TBCEL: variants seen among roughly 807,000 people sequenced by gnomAD.
TBCEL encodes tubulin-specific chaperone cofactor E-like protein.
TBCEL carries 15 observed loss-of-function variants against 44.2 expected under a neutral mutation model. The observed-to-expected ratio is 0.34, with a 90% CI of 0.23 to 0.52. TBCEL has a LOEUF of 0.52. Ranked by LOEUF, TBCEL falls within the 20% of genes least tolerant of loss-of-function variation. The probability of loss-of-function intolerance (pLI) is 0.95; values close to 1 mark genes in which losing one functional copy is unlikely to be tolerated. For synonymous variants in TBCEL, 171 were observed against 185.4 expected (o/e 0.92, Z 0.63); for missense variants, 319 against 506.3 (o/e 0.63, Z 3.55).
chr11:121,032,816 A>G (rs1210982900), intron 1 of TBCEL, among the ~76,000 whole-genome samples: 5 of 152,266 alleles, frequency 3.3e-5, no homozygotes, highest in African/African-American at 9.6e-5. Flanking sequence ...AGCAGGGAAC[A>G]TACCCGTTGA....
Position 121,090,533 on chromosome 11 carries a change from G to A in TBCEL, c.*3437G>A, listed in dbSNP as rs2135035066. 1 of 152,124 alleles carries A rather than the reference G, an allele frequency of 6.6e-6. No homozygotes were observed. The highest frequency in any genetic ancestry group is 2.4e-5 in the African/African-American group (1 of 41,506). The allele number at this position is 152,124 out of a possible 1,614,324, so 9.4% of individuals were successfully genotyped here. ...CTATCTGTGTTACCAGATGTGTTGT[G>A]AACACTCTACTATTTTTCATAGGTG... On this transcript the variant is annotated 3_prime_UTR_variant, in exon 9 of 9. Coordinates refer to ENST00000683345, the MANE Select transcript of TBCEL (RefSeq NM_001363644.2).
At chr11:121,057,147 A>G (rs766326277) in intron 6 of TBCEL, among the ~76,000 whole-genome samples, 1 of 151,786 alleles carries the variant, frequency 6.6e-6, no homozygotes, top group African/African-American at 2.4e-5. Flanking sequence ...TTCCTCCTTG[A>G]TGGAAATGCC....
chr11:121,036,796 G>T (rs1016061758), intron 2 of TBCEL, among the ~76,000 whole-genome samples, 184 bp downstream of exon 2: 3 of 152,168 alleles, frequency 2.0e-5, no homozygotes, highest in Non-Finnish European at 4.4e-5. Context: ...TGAAAAAAGT[G>T]TGTGTCTTTG....
At chr11:121,039,197 A>G (rs1476139567) in intron 2 of TBCEL, among the ~76,000 whole-genome samples, 2 of 152,228 alleles carry the variant, frequency 1.3e-5, no homozygotes, top group African/African-American at 4.8e-5. Context: ...AGTACAGCTG[A>G]TAACACTTGT....
intron 6 of TBCEL, among the ~76,000 whole-genome samples, chr11:121,055,942 AATGGTACATTTGTACCATTT>A (rs1945612271): frequency 6.6e-6 from 1 of 151,714 alleles, no homozygotes; most frequent in Non-Finnish European, 1.5e-5. Context: ...AAATGGTACA[AATGGTACATTTGTACCATTT>A]CAGTCAATGA....
At chr11:121,050,292 C>T (rs938548694) in intron 4 of TBCEL, among the ~76,000 whole-genome samples, 2 of 151,834 alleles carry the variant, frequency 1.3e-5, no homozygotes, top group East Asian at 1.9e-4. Context: ...TAGCTATTAA[C>T]GGAATTTATT....
chr11:121,051,447 G>T (rs1454126850), intron 4 of TBCEL, among the ~76,000 whole-genome samples: 1 of 150,390 alleles, frequency 6.6e-6, no homozygotes, highest in African/African-American at 2.5e-5. Flanking sequence ...CATAATTCCT[G>T]TCCCCCTCCA....
chr11:121,055,707 AATTG>A (rs1945607739), intron 6 of TBCEL, among the ~76,000 whole-genome samples: 2 of 151,960 alleles, frequency 1.3e-5, no homozygotes, highest in Admixed American at 6.6e-5. Context: ...ATCTGTATGT[AATTG>A]ATTGTCAGTT....
intron 7 of TBCEL, among the ~76,000 whole-genome samples, chr11:121,059,293 C>G (rs1175719455): frequency 6.6e-6 from 1 of 151,956 alleles, no homozygotes; most frequent in African/African-American, 2.4e-5. Flanking sequence ...AAGAATACGT[C>G]TTGCAGTAGG....
chr11:121,067,615 G>T (rs1477851588), intron 8 of TBCEL, among the ~76,000 whole-genome samples: 1 of 152,138 alleles, frequency 6.6e-6, no homozygotes, highest in Non-Finnish European at 1.5e-5. Context: ...TGCTTTTCCA[G>T]TCAATGGACT....
chr11:121,087,838 T>G lies in TBCEL; in HGVS notation c.*742T>G, dbSNP rs1454705256. The G allele has an allele frequency of 6.6e-6, 1 of 152,254 alleles. No homozygotes were observed. The highest frequency in any genetic ancestry group is 1.5e-5 in the Non-Finnish European group (1 of 68,048). 9.4% of individuals were successfully genotyped at this position (152,254 alleles called of 1,614,324 possible). A position where few individuals can be genotyped will look rare whatever the true frequency, so the allele number is the denominator to read the frequency against. The stretch of plus-strand genomic sequence containing the variant: ...TTCTGGAAGCACCGGCAGAACAGTC[T>G]GATCTCTTTGTATGTTACTAACTCA... On this transcript the variant is annotated 3_prime_UTR_variant, in exon 9 of 9. Transcript: ENST00000683345.
chr11:121,083,993 C>G lies in TBCEL; in HGVS notation c.957-2785C>G, dbSNP rs142577835. Among the ~76,000 whole-genome samples, 6 of 152,302 alleles carry G rather than the reference C, an allele frequency of 3.9e-5. No homozygotes were observed. The East Asian group carries it at 1.2e-3, about 29-fold the overall frequency. On this transcript the variant is annotated intron_variant, in intron 8 of 8. Transcript: ENST00000683345. ...GGCTGTGGCTTTTCTACTGTATCATCCCATGATGGAAGGAGGAATGACAAG... is the reference window on the plus strand; with the variant it reads ...GGCTGTGGCTTTTCTACTGTATCATGCCATGATGGAAGGAGGAATGACAAG...
intron 8 of TBCEL, among the ~76,000 whole-genome samples, chr11:121,085,016 C>T (rs1565509130): frequency 6.7e-6 from 1 of 149,532 alleles, no homozygotes; most frequent in Non-Finnish European, 1.5e-5. Flanking sequence ...TATAAATATG[C>T]ATATATATAT....
At chr11:121,067,378 T>A (rs1377175516) in intron 8 of TBCEL, among the ~76,000 whole-genome samples, 1 of 152,234 alleles carries the variant, frequency 6.6e-6, no homozygotes, top group Non-Finnish European at 1.5e-5. Flanking sequence ...GGAGACATAC[T>A]TATTAAGAGC....
At chr11:121,037,120 G>A (rs1430860542) in intron 2 of TBCEL, among the ~76,000 whole-genome samples, 1 of 152,146 alleles carries the variant, frequency 6.6e-6, no homozygotes, top group Admixed American at 6.5e-5. Flanking sequence ...AAAGGTTGAT[G>A]TGCCACATTA....
At chr11:121,073,970 G>T (rs970169371) in intron 8 of TBCEL, among the ~76,000 whole-genome samples, 1 of 151,802 alleles carries the variant, frequency 6.6e-6, no homozygotes, top group African/African-American at 2.4e-5. Flanking sequence ...TATTTGGGAT[G>T]TTTCCATCTA....
Position 121,087,032 on chromosome 11 carries a change from G to A in TBCEL, c.1211G>A (p.Arg404Gln), listed in dbSNP as rs1317317232. Residue 404 changes from arginine to glutamine, a missense_variant, in exon 9 of 9, where the codon CGG becomes CAG. Physicochemically the swap from Arg to Gln is conservative, Grantham distance 43. Transcript: ENST00000683345. ...CCAGAGGAAATGAAGTACAGCTCTCGGGCATTGCATTCCTTTGGCATTAGG... is the reference window on the plus strand; with the variant it reads ...CCAGAGGAAATGAAGTACAGCTCTCAGGCATTGCATTCCTTTGGCATTAGG... ...FGPEEMKYSS[R>Q]ALHSFGIRDG... 3.1e-6 allele frequency: 5 copies of A among 1,613,906 alleles called. No homozygotes were observed. The highest frequency in any genetic ancestry group is 1.3e-5 in the African/African-American group (1 of 74,894).
intron 8 of TBCEL, among the ~76,000 whole-genome samples, chr11:121,064,974 C>T (rs1009266254): frequency 7.2e-5 from 11 of 152,138 alleles, no homozygotes; most frequent in Non-Finnish European, 1.2e-4. Flanking sequence ...TACAGGCGCC[C>T]GCCACCACGC....
chr11:121,031,217 G>T (rs1945137094), intron 1 of TBCEL, among the ~76,000 whole-genome samples: 1 of 152,180 alleles, frequency 6.6e-6, no homozygotes, highest in Admixed American at 6.5e-5. Context: ...AAGTGGAATT[G>T]CTAGATCATA....
Sources: allele counts gnomAD v4.1 joint callset (sites outside exome capture counted in the v4.1 genomes callset), GRCh38; gene constraint gnomAD v4.1.1; transcripts MANE v1.5; gene names NCBI Gene and HGNC (gene_info 2026-07-23, HGNC 2026-07-21).